Variants in CECR2 observed in about 807,000 individuals in gnomAD.
CECR2 encodes the protein CECR2 histone acetyl-lysine reader, also known as chromatin remodeling regulator CECR2.
In CECR2, 30 loss-of-function variants were observed where a neutral mutation model predicts 154.5. That is an observed-to-expected ratio of 0.19 (90% confidence interval 0.15 to 0.26). The LOEUF (loss-of-function observed/expected upper bound fraction) is 0.26. Among genes scored for constraint, CECR2 ranks in the 10% least tolerant of loss-of-function variants. The pLI is 1.00. For synonymous variants in CECR2, 725 were observed against 683.7 expected, an observed-to-expected ratio of 1.06 and a Z score of -0.94; for missense variants, 1,743 against 1,829.3, an observed-to-expected ratio of 0.95 and a Z score of 0.86.
intron 13 of CECR2, 110 bp downstream of exon 13, chr22:17,539,229 A>G: frequency 8.0e-7 from 1 of 1,244,066 alleles, no homozygotes; most frequent in Non-Finnish European, 1.1e-6. Flanking sequence ...AGTGAACAGA[A>G]TGTGTATGAA....
At chr22:17,360,186 C>T (rs1383771859) in intron 1 of CECR2, among the ~76,000 whole-genome samples, 3 of 152,214 alleles carry the variant, frequency 2.0e-5, no homozygotes, top group Non-Finnish European at 4.4e-5. Flanking sequence ...AAGGCTTAAA[C>T]ATAATCTTAA....
chr22:17,408,731 A>G (rs1249888343), intron 1 of CECR2, among the ~76,000 whole-genome samples: 3 of 152,202 alleles, frequency 2.0e-5, no homozygotes, highest in Non-Finnish European at 2.9e-5. Flanking sequence ...ACATGAATAT[A>G]TTTTGGGTTA....
intron 1 of CECR2, among the ~76,000 whole-genome samples, chr22:17,396,210 C>G (rs1415319386): frequency 6.8e-6 from 1 of 146,982 alleles, no homozygotes; most frequent in African/African-American, 2.5e-5. Flanking sequence ...CCACTGCACT[C>G]TAGCCTGGGC....
Position 17,540,625 on chromosome 22 carries a change from T to G in CECR2, c.1709T>G (p.Met570Arg). The change falls in exon 14 of 19, where the codon ATG becomes AGG. Residue 570 changes from methionine (M) to arginine (R), a missense_variant. By Grantham distance (91) the Met-to-Arg change is moderately conservative. Transcript: ENST00000262608. ...GGGTCCAGCAGGAAACAGCAGCCCATGGAGAATGGAGGAAAGTCGTTGCCC... is the reference window on the plus strand; with the variant it reads ...GGGTCCAGCAGGAAACAGCAGCCCAGGGAGAATGGAGGAAAGTCGTTGCCC... ...PEGSSRKQQP[M>R]ENGGKSLPPT... 6.2e-7 allele frequency: 1 copy of G among 1,613,790 alleles called. No homozygotes were observed. Among genetic ancestry groups the G allele is most frequent in the East Asian group, 2.2e-5 (1 of 44,868 alleles).
At chr22:17,508,628 A>G (rs564967882) in intron 7 of CECR2, among the ~76,000 whole-genome samples, 1 of 152,198 alleles carries the variant, frequency 6.6e-6, no homozygotes, top group African/African-American at 2.4e-5. Context: ...TGTGTAGCAC[A>G]CTACATCGTC....
rs184923065 is a variant in CECR2 at position 17,448,463 on chromosome 22, A to G, written c.127-29125A>G. ...ACATCAACTAGCAGTAGTTGCCTCC[A>G]TTTGTTATGTGACCTTTGGTTTTTC... is the stretch of plus-strand genomic sequence containing the variant. On this transcript the variant is annotated intron_variant, in intron 1 of 18. Transcript: ENST00000262608. 3.1e-3 allele frequency among the ~76,000 whole-genome samples: 470 copies of G among 152,302 alleles called. 1 individual carries two copies. The highest frequency in any genetic ancestry group is 5.5e-3 in the Non-Finnish European group (375 of 68,024).
At chr22:17,401,011 C>G (rs1293067791) in intron 1 of CECR2, among the ~76,000 whole-genome samples, 1 of 152,072 alleles carries the variant, frequency 6.6e-6, no homozygotes, top group East Asian at 1.9e-4. Flanking sequence ...AGGAGATTCT[C>G]CTGCCTTGGC....
intron 8 of CECR2, among the ~76,000 whole-genome samples, chr22:17,518,261 A>C (rs1276329461): frequency 6.6e-6 from 1 of 152,154 alleles, no homozygotes; most frequent in Non-Finnish European, 1.5e-5. Flanking sequence ...GTAAATTGGC[A>C]TTCCTTCATT....
intron 1 of CECR2, among the ~76,000 whole-genome samples, chr22:17,400,094 C>T (rs1271908279): frequency 2.0e-5 from 3 of 152,090 alleles, no homozygotes; most frequent in Non-Finnish European, 4.4e-5. Context: ...ATTTGGCTTC[C>T]CCATTAGTCT....
At chr22:17,368,786 TTGGGGATCG>T (rs1309320745), upstream of CECR2, among the ~76,000 whole-genome samples, 1 of 151,966 alleles carries the variant, frequency 6.6e-6, no homozygotes, top group Non-Finnish European at 1.5e-5. Context: ...TTCCCTGGGG[TTGGGGATCG>T]CTCTTCCCGC....
chr22:17,479,301 A>G (rs1336644102), intron 2 of CECR2, among the ~76,000 whole-genome samples: 3 of 152,154 alleles, frequency 2.0e-5, no homozygotes, highest in Admixed American at 6.5e-5. Context: ...GTCTGCTTGG[A>G]TGATCCTTGT....
At chr22:17,371,665 C>T (rs2063062767) in intron 1 of CECR2, among the ~76,000 whole-genome samples, 1 of 152,122 alleles carries the variant, frequency 6.6e-6, no homozygotes, top group African/African-American at 2.4e-5. Flanking sequence ...TGTGACAGGG[C>T]CATCTTGGGT....
chr22:17,543,055 CTT>C, intron 16 of CECR2, 52 bp downstream of exon 16: 4 of 1,517,516 alleles, frequency 2.6e-6, no homozygotes, highest in Non-Finnish European at 1.8e-6. Flanking sequence ...CATGAGTAAT[CTT>C]TTTACACAGC....
chr22:17,542,897 G>A lies in CECR2; in HGVS notation c.2754G>A (p.Gln918=). ...AHPRLPGPFP[Q]VAHPMSVTVS... ...CCCGTTTACCTGGCCCTTTTCCGCA[G>A]GTAGCTCACCCAATGTCAGTCACTG... Residue 918 remains glutamine, a synonymous_variant, in exon 16 of 19, where the codon CAG becomes CAA. Coordinates refer to ENST00000262608, the MANE Select transcript of CECR2 (RefSeq NM_001290047.2). 1.2e-6 allele frequency: 2 copies of A among 1,613,888 alleles called. No homozygotes were observed. Among genetic ancestry groups the A allele is most frequent in the Non-Finnish European group, 1.7e-6 (2 of 1,179,868 alleles).
intron 1 of CECR2, among the ~76,000 whole-genome samples, chr22:17,469,249 T>A (rs2055081750): frequency 6.6e-6 from 1 of 152,002 alleles, no homozygotes; most frequent in Non-Finnish European, 1.5e-5. Flanking sequence ...GGCTCTGTGT[T>A]ATGTGCTGAC....
chr22:17,365,319 C>T (rs1275221070), upstream of CECR2, among the ~76,000 whole-genome samples: 1 of 152,166 alleles, frequency 6.6e-6, no homozygotes, highest in Non-Finnish European at 1.5e-5. Flanking sequence ...TTCCAAGGTT[C>T]AGTAATAATA....
At chr22:17,523,769 A>AAAG (rs1555925893) in intron 8 of CECR2, among the ~76,000 whole-genome samples, 3 of 151,098 alleles carry the variant, frequency 2.0e-5, no homozygotes, top group African/African-American at 7.3e-5. Context: ...AAAAAAAAAA[A>AAAG]AAAAAAGAAA....
rs142290099 is a variant in CECR2, at chr22:17,465,234, G to A, written c.127-12354G>A. On this transcript the variant is annotated intron_variant, in intron 1 of 18. Transcript: ENST00000262608. ...GATGGTCTTGATCTCCTGACCTCGT[G>A]ATCCGCCCGCCTCGGCCTCCCAAAG... 6.2e-3 allele frequency among the ~76,000 whole-genome samples: 944 copies of A among 152,184 alleles called. 10 individuals carry two copies. The highest frequency in any genetic ancestry group is 0.022 in the African/African-American group (900 of 41,528).
At chr22:17,420,611 A>G (rs2054231395) in intron 1 of CECR2, among the ~76,000 whole-genome samples, 1 of 152,182 alleles carries the variant, frequency 6.6e-6, no homozygotes, top group South Asian at 2.1e-4. Context: ...GATTATAAAA[A>G]TTAGTGGATT....
Sources: allele counts gnomAD v4.1 joint callset (sites outside exome capture counted in the v4.1 genomes callset), GRCh38; gene constraint gnomAD v4.1.1; transcripts MANE v1.5; gene names NCBI Gene and HGNC (gene_info 2026-07-23, HGNC 2026-07-21).